The following NEMP2 variants were observed in gnomAD, a reference collection of about 807,000 sequenced individuals.
NEMP2 encodes nuclear envelope integral membrane protein 2.
In NEMP2, 53 loss-of-function variants were observed where a neutral mutation model predicts 54.2. The observed-to-expected ratio is 0.98, with a 90% CI of 0.78 to 1.23. The LOEUF is 1.23. NEMP2 is among the 50% of genes most tolerant of loss of function. NEMP2 has a pLI of 0.00. For synonymous variants in NEMP2, 197 were observed against 190.3 expected, an observed-to-expected ratio of 1.04 and a Z score of -0.29; for missense variants, 455 against 511.3, an observed-to-expected ratio of 0.89 and a Z score of 1.06.
At chr2:190,487,253 A>T in the NEMP2 span, among the ~76,000 whole-genome samples, 4 of 152,306 alleles carry the variant, frequency 2.6e-5, no homozygotes, top group Non-Finnish European at 5.9e-5. This position sits in a 1 kb window ranked among gnomAD's most constrained non-coding sequence, Gnocchi z 5.5. Context: ...AAGCAGGAGG[A>T]TCGCTTGAAC....
chr2:190,634,005 G>C, the NEMP2 span, among the ~76,000 whole-genome samples: 2 of 152,136 alleles, frequency 1.3e-5, no homozygotes, highest in Non-Finnish European at 2.9e-5. The surrounding 1 kb of genome is among the most constrained non-coding windows in gnomAD (Gnocchi z 6.8). Flanking sequence ...CCAGGAGTTT[G>C]AGGTTACAGT....
chr2:190,449,755 A>G, the NEMP2 span, among the ~76,000 whole-genome samples: 4 of 152,280 alleles, frequency 2.6e-5, no homozygotes, highest in South Asian at 2.1e-4. Context: ...TCAGTAAACT[A>G]TCGCAAGAAC....
the NEMP2 span, chr2:190,648,775 A>C: frequency 6.7e-6 from 1 of 150,172 alleles, no homozygotes; most frequent in Non-Finnish European, 1.5e-5. Context: ...GGTTCCTCCC[A>C]GCTGCCGTGT....
the NEMP2 span, among the ~76,000 whole-genome samples, chr2:190,422,639 G>A: frequency 5.3e-5 from 8 of 152,038 alleles, no homozygotes; most frequent in Non-Finnish European, 7.4e-5. Context: ...AAGGTAATTC[G>A]TTTGTCCCAG....
chr2:190,534,099 A>C, intron 1 of NEMP2: 1 of 986,960 alleles, frequency 1.0e-6, no homozygotes, highest in Non-Finnish European at 1.2e-6. Flanking sequence ...TCTGAAGCTG[A>C]AGCTGTTACC....
chr2:190,544,638 T>G, the NEMP2 span, among the ~76,000 whole-genome samples: 1 of 152,136 alleles, frequency 6.6e-6, no homozygotes, highest in African/African-American at 2.4e-5. Context: ...CAAAAGTGAT[T>G]GGTGATTACT....
the NEMP2 span, among the ~76,000 whole-genome samples, chr2:190,432,087 T>C: frequency 1.3e-5 from 2 of 152,250 alleles, no homozygotes; most frequent in South Asian, 4.1e-4. Flanking sequence ...CCTTGGTAAT[T>C]ACTCATATTT....
chr2:190,611,272 T>C, the NEMP2 span, among the ~76,000 whole-genome samples: 1 of 152,188 alleles, frequency 6.6e-6, no homozygotes, highest in Non-Finnish European at 1.5e-5. The surrounding 1 kb of genome is among the most constrained non-coding windows in gnomAD (Gnocchi z 5.4). Flanking sequence ...CTTATACAAA[T>C]ATAGCCCAAA....
At chr2:190,546,191 G>A in the NEMP2 span, among the ~76,000 whole-genome samples, 1 of 151,996 alleles carries the variant, frequency 6.6e-6, no homozygotes, top group Non-Finnish European at 1.5e-5. The surrounding 1 kb of genome is among the most constrained non-coding windows in gnomAD (Gnocchi z 5.1). Context: ...CCGCATCCAT[G>A]GCCTTACTCA....
At chr2:190,534,032 TTA>T in intron 1 of NEMP2, 1 of 971,108 alleles carries the variant, frequency 1.0e-6, no homozygotes, top group Non-Finnish European at 1.2e-6. Context: ...CGTGGGACCG[TTA>T]TGTTTACTCG....
downstream of NEMP2, chr2:190,500,770 TA>T: frequency 6.5e-6 from 1 of 152,782 alleles, no homozygotes; most frequent in Non-Finnish European, 1.5e-5. This position sits in a 1 kb window ranked among gnomAD's most constrained non-coding sequence, Gnocchi z 5.3. Context: ...AAGTTAAAGT[TA>T]AAAAATGAAG....
the NEMP2 span, among the ~76,000 whole-genome samples, chr2:190,584,139 G>A: frequency 3.3e-5 from 5 of 152,256 alleles, no homozygotes; most frequent in East Asian, 1.9e-4. This position sits in a 1 kb window ranked among gnomAD's most constrained non-coding sequence, Gnocchi z 4.2. Context: ...TGAAGTAAGC[G>A]AAGGTCTGTT....
the NEMP2 span, among the ~76,000 whole-genome samples, chr2:190,561,718 A>G: frequency 6.6e-6 from 1 of 152,128 alleles, no homozygotes; most frequent in African/African-American, 2.4e-5. The surrounding 1 kb of genome is among the most constrained non-coding windows in gnomAD (Gnocchi z 5.4). Flanking sequence ...AACACCATAT[A>G]TGTCTATCTT....
the NEMP2 span, among the ~76,000 whole-genome samples, chr2:190,439,837 A>T: frequency 6.6e-6 from 1 of 152,242 alleles, no homozygotes; most frequent in Non-Finnish European, 1.5e-5. The surrounding 1 kb of genome is among the most constrained non-coding windows in gnomAD (Gnocchi z 5.8). Context: ...AAGTGCTTTT[A>T]AAAGAGTCTG....
chr2:190,436,105 T>C, the NEMP2 span: 2 of 1,614,236 alleles, frequency 1.2e-6, no homozygotes, highest in African/African-American at 1.3e-5. The surrounding 1 kb of genome is among the most constrained non-coding windows in gnomAD (Gnocchi z 5.3). Flanking sequence ...TGCAGATCCC[T>C]TTAATGGTAT....
At chr2:190,534,781 A>G (rs919679152), upstream of NEMP2, 9 of 645,370 alleles carry the variant, frequency 1.4e-5, no homozygotes, top group Non-Finnish European at 2.0e-5. Context: ...GGAAAGGCGG[A>G]GACCCCGCCT....
chr2:190,531,219 T>C lies in NEMP2; in HGVS notation c.97+3340A>G, dbSNP rs547772272. On this transcript the variant is annotated intron_variant, in intron 1 of 8. Coordinates refer to ENST00000409150, the MANE Select transcript of NEMP2 (RefSeq NM_001142645.2). The surrounding 1 kb of genome is among the most constrained non-coding windows in gnomAD (Gnocchi z 4.7). ...ACTGCTTCTACTTGAGGCTGAGGTA[T>C]TTAATATGTCCGTACCCTGGAAGGT... 6.4e-4 allele frequency among the ~76,000 whole-genome samples: 98 copies of C among 152,330 alleles called. No individual in the cohort carries two copies. The highest frequency in any genetic ancestry group is 2.3e-3 in the African/African-American group (97 of 41,570).
In NEMP2 at chr2:190,516,500, C is replaced by G. The variant is rs555638941; in HGVS notation, c.613-116G>C. ...CTCCTACATCAAACTGATTTGAAGT[C>G]AATTTAAGAAACTCCCTAGGGTCTT... On this transcript the variant is annotated intron_variant, in intron 5 of 8. Transcript: ENST00000409150. The G allele has an allele frequency of 6.2e-4, 461 of 744,058 alleles. 8 individuals carry two copies. The South Asian group carries it at 8.8e-3, about 14-fold the overall frequency. The allele number at this position is 744,058 out of a possible 1,614,324, so 46.1% of individuals were successfully genotyped here. A position where few individuals can be genotyped will look rare whatever the true frequency, so the allele number is the denominator to read the frequency against.
the NEMP2 span, chr2:190,477,080 G>T: frequency 6.4e-6 from 1 of 155,664 alleles, no homozygotes; most frequent in African/African-American, 2.4e-5. Flanking sequence ...GGGAGGGATA[G>T]CATTAGGAGA....
Sources: allele counts gnomAD v4.1 joint callset (sites outside exome capture counted in the v4.1 genomes callset), GRCh38; gene constraint gnomAD v4.1.1; non-coding constraint Gnocchi (gnomAD v3.1); transcripts MANE v1.5; gene names NCBI Gene and HGNC (gene_info 2026-07-23, HGNC 2026-07-21).